EPS8: variants seen among roughly 807,000 people sequenced by gnomAD.
The protein encoded by EPS8 is epidermal growth factor receptor kinase substrate 8.
In EPS8, 42 loss-of-function variants were observed where a neutral mutation model predicts 103.8. The ratio of observed to expected loss-of-function variants is 0.40; its 90% confidence interval spans 0.32 to 0.52. The LOEUF (loss-of-function observed/expected upper bound fraction) is 0.52. Among genes scored for constraint, EPS8 ranks in the 20% least tolerant of loss-of-function variants. EPS8 has a pLI of 0.40. For missense variants in EPS8, 969 were observed against 1,005.1 expected (o/e 0.96, Z 0.49); for synonymous variants, 344 against 344.6 (o/e 1.00, Z 0.02).
intron 1 of EPS8, among the ~76,000 whole-genome samples, chr12:15,705,892 A>G (rs1292629687): frequency 6.6e-6 from 1 of 152,122 alleles, no homozygotes; most frequent in African/African-American, 2.4e-5. Context: ...AAAACCCTCA[A>G]TGTTTGATAT....
rs762306794 is a variant in EPS8, at chr12:15,660,665, C to T, written c.886G>A (p.Glu296Lys). 5 of 1,608,900 alleles carry T rather than the reference C, an allele frequency of 3.1e-6. No homozygotes were observed. The highest frequency in any genetic ancestry group is 1.1e-5 in the South Asian group (1 of 90,886). ...KLQKAAEAFSELSKRKKNKKG... is the reference protein window; with the variant it reads ...KLQKAAEAFSKLSKRKKNKKG... ...TTGTTTTTCTTCCTTTTAGAAAGCT[C>T]AGAAAATGCTTCTGCTGCTTTTTGG... Residue 296 changes from glutamate to lysine, a missense_variant, in exon 10 of 21, where the codon GAG becomes AAG. Coordinates refer to ENST00000281172, the MANE Select transcript of EPS8 (RefSeq NM_004447.6).
At chr12:15,694,132 C>A (rs1246213247) in intron 1 of EPS8, among the ~76,000 whole-genome samples, 1 of 152,076 alleles carries the variant, frequency 6.6e-6, no homozygotes, top group Non-Finnish European at 1.5e-5. Context: ...ATTGTCTAAA[C>A]ATTAAGAAAT....
At position 15,772,722 on chromosome 12, in the gene EPS8, T is replaced by C. The variant is rs2136045066; in HGVS notation, c.-22+16439A>G. ...ATGGGTAACAAAGCAGAGGTAGATG[T>C]TAACCAGGAAAGAACAGCACCACCA... On this transcript the variant is annotated intron_variant, in intron 1 of 20. Coordinates refer to ENST00000281172, the MANE Select transcript of EPS8 (RefSeq NM_004447.6). The surrounding 1 kb of genome is among the most constrained non-coding windows in gnomAD (Gnocchi z 5.0). 6.6e-6 allele frequency among the ~76,000 whole-genome samples: 1 copy of C among 151,694 alleles called. No homozygotes were observed. The highest frequency in any genetic ancestry group is 1.9e-4 in the East Asian group (1 of 5,140).
chr12:15,673,126 C>G (rs906138188), intron 3 of EPS8, among the ~76,000 whole-genome samples: 2 of 152,158 alleles, frequency 1.3e-5, no homozygotes, highest in African/African-American at 4.8e-5. Context: ...TATCTGATAG[C>G]ATTTTAAACA....
intron 1 of EPS8, among the ~76,000 whole-genome samples, chr12:15,687,022 G>T (rs1248593387): frequency 2.0e-5 from 3 of 151,948 alleles, no homozygotes; most frequent in Admixed American, 1.3e-4. Context: ...GTGGGAGGGG[G>T]TATTATCATT....
chr12:15,750,709 A>C (rs1946922959), intron 1 of EPS8, among the ~76,000 whole-genome samples: 1 of 152,212 alleles, frequency 6.6e-6, no homozygotes, highest in Non-Finnish European at 1.5e-5. Context: ...TGAGTACTTG[A>C]AACCATAGCT....
intron 1 of EPS8, among the ~76,000 whole-genome samples, chr12:15,703,043 G>A (rs1246879606): frequency 1.3e-5 from 2 of 152,162 alleles, no homozygotes; most frequent in African/African-American, 2.4e-5. Context: ...CAGCTACTCG[G>A]GAGGCTGAGC....
At chr12:15,663,958 T>TAATA (rs1565487358) in intron 8 of EPS8, among the ~76,000 whole-genome samples, 1 of 54,588 alleles carries the variant, frequency 1.8e-5, no homozygotes, top group African/African-American at 9.4e-5. Context: ...AATATATATA[T>TAATA]ATATATATAT....
chr12:15,636,018 A>G (rs1442860363), intron 17 of EPS8, among the ~76,000 whole-genome samples: 2 of 152,188 alleles, frequency 1.3e-5, no homozygotes, highest in Non-Finnish European at 2.9e-5. Context: ...TTGGATATAT[A>G]ATAAATAACA....
In EPS8 at chr12:15,736,400, T is replaced by TA. The variant is rs933001296; in HGVS notation, c.-22+52760dup. Among the ~76,000 whole-genome samples the TA allele has an allele frequency of 2.0e-5, 3 of 152,104 alleles. No individual in the cohort carries two copies. The highest frequency in any genetic ancestry group is 2.9e-5 in the Non-Finnish European group (2 of 68,014). ...TTCTTCTGTACAGAGGTTAATATAATAAAAAATCACTTGCCTGGAGGCCAC... is the reference window on the plus strand; with the variant it reads ...TTCTTCTGTACAGAGGTTAATATAATAAAAAAATCACTTGCCTGGAGGCCAC... On this transcript the variant is annotated intron_variant, in intron 1 of 20. Coordinates refer to ENST00000281172, the MANE Select transcript of EPS8 (RefSeq NM_004447.6). The surrounding 1 kb of genome is among the most constrained non-coding windows in gnomAD (Gnocchi z 4.2).
chr12:15,760,795 T>C lies in EPS8; in HGVS notation c.-22+28366A>G, dbSNP rs1043572833. ...CAAAAAGCTGGGAACAGAAAGAATA[T>C]ACCTTAACATAATAAAAGCCATATA... On this transcript the variant is annotated intron_variant, in intron 1 of 20. Coordinates refer to ENST00000281172, the MANE Select transcript of EPS8 (RefSeq NM_004447.6). This position sits in a 1 kb window ranked among gnomAD's most constrained non-coding sequence, Gnocchi z 4.5. Among the ~76,000 whole-genome samples, 43 of 152,036 alleles carry C rather than the reference T, an allele frequency of 2.8e-4. No homozygotes were observed. The highest frequency in any genetic ancestry group is 7.2e-4 in the Admixed American group (11 of 15,246).
intron 13 of EPS8, among the ~76,000 whole-genome samples, chr12:15,653,346 T>C (rs998471253): frequency 6.6e-6 from 1 of 152,170 alleles, no homozygotes; most frequent in Non-Finnish European, 1.5e-5. Flanking sequence ...AGAACCACAC[T>C]CTAACTCTTT....
At chr12:15,692,321 T>G (rs1946185279) in intron 1 of EPS8, among the ~76,000 whole-genome samples, 1 of 14,666 alleles carries the variant, frequency 6.8e-5, no homozygotes, top group Non-Finnish European at 3.7e-4. Flanking sequence ...GAGGTTTGGT[T>G]TTTTTTTTTT....
rs1565540543 is a variant in EPS8 at position 15,778,263 on chromosome 12, C to T, written c.-22+10898G>A. ...AACAATGATTAAAAACACTCTGACACACACTCTTCAGGCATACGCATTAAT... is the reference window on the plus strand; with the variant it reads ...AACAATGATTAAAAACACTCTGACATACACTCTTCAGGCATACGCATTAAT... On this transcript the variant is annotated intron_variant, in intron 1 of 20. Coordinates refer to ENST00000281172, the MANE Select transcript of EPS8 (RefSeq NM_004447.6). The surrounding 1 kb of genome is among the most constrained non-coding windows in gnomAD (Gnocchi z 4.5). 6.6e-6 allele frequency among the ~76,000 whole-genome samples: 1 copy of T among 152,174 alleles called. No homozygotes were observed. Among genetic ancestry groups the T allele is most frequent in the African/African-American group, 2.4e-5 (1 of 41,440 alleles).
intron 3 of EPS8, among the ~76,000 whole-genome samples, chr12:15,673,476 A>G (rs1476560689): frequency 6.6e-6 from 1 of 152,170 alleles, no homozygotes; most frequent in Non-Finnish European, 1.5e-5. Flanking sequence ...TATAAATAGT[A>G]ATTAGGCTCC....
intron 17 of EPS8, among the ~76,000 whole-genome samples, chr12:15,634,377 T>A (rs895994927): frequency 6.6e-6 from 1 of 152,202 alleles, no homozygotes; most frequent in African/African-American, 2.4e-5. Flanking sequence ...ATAGACCTCA[T>A]AGGAAATTTA....
At chr12:15,665,976 T>C in intron 7 of EPS8, 84 bp from the exon 8 acceptor site, 1 of 1,390,958 alleles carries the variant, frequency 7.2e-7, no homozygotes, top group African/African-American at 1.4e-5. Context: ...TACTAGTTAT[T>C]AAAATTCAAA....
Position 15,706,215 on chromosome 12 carries a change from G to A in EPS8, c.-21-23243C>T, listed in dbSNP as rs114426548. On this transcript the variant is annotated intron_variant, in intron 1 of 20. Transcript: ENST00000281172. The surrounding 1 kb of genome is among the most constrained non-coding windows in gnomAD (Gnocchi z 5.2). The stretch of plus-strand genomic sequence containing the variant: ...GGGGATCCCTGGCAAAGCTCCTGCC[G>A]GCCTGTGCACTGGGGTGGAGCCTGA... Among the ~76,000 whole-genome samples, 42 of 152,256 alleles carry A rather than the reference G, an allele frequency of 2.8e-4. No homozygotes were observed. Among genetic ancestry groups the A allele is most frequent in the African/African-American group, 8.9e-4 (37 of 41,542 alleles).
chr12:15,704,132 T>C lies in EPS8; in HGVS notation c.-21-21160A>G, dbSNP rs1402530261. 6.6e-6 allele frequency among the ~76,000 whole-genome samples: 1 copy of C among 152,100 alleles called. No individual in the cohort carries two copies. The highest frequency in any genetic ancestry group is 6.5e-5 in the Admixed American group (1 of 15,272). ...TTTTTTTGTTCGTTCATTTAAAATA[T>C]CCCTTTAATGGTGTAGTCATTGTGG... is the stretch of plus-strand genomic sequence containing the variant. On this transcript the variant is annotated intron_variant, in intron 1 of 20. Transcript: ENST00000281172. The surrounding 1 kb of genome is among the most constrained non-coding windows in gnomAD (Gnocchi z 4.6).
Sources: gnomAD v4.1 joint callset for allele counts (sites outside exome capture counted in the v4.1 genomes callset) on GRCh38, gnomAD v4.1.1 for gene constraint, Gnocchi (gnomAD v3.1) non-coding constraint, MANE v1.5 for transcripts, NCBI Gene and HGNC (gene_info 2026-07-23, HGNC 2026-07-21) for gene names.